MACF1: variants seen among roughly 807,000 people sequenced by gnomAD.
MACF1 encodes the protein microtubule-actin cross-linking factor 1.
MACF1 carries 193 observed loss-of-function variants against 854.8 expected under a neutral mutation model. The observed-to-expected ratio is 0.23, with a 90% confidence interval of 0.20 to 0.25. The LOEUF is 0.25. MACF1 is among the 10% of genes least tolerant of loss of function. The probability of loss-of-function intolerance (pLI) is 1.00; values close to 1 mark genes in which losing one functional copy is unlikely to be tolerated. For synonymous variants in MACF1, 3,185 were observed against 3,226.7 expected, an observed-to-expected ratio of 0.99 and a Z score of 0.44; for missense variants, 7,722 against 8,929.1, an observed-to-expected ratio of 0.86 and a Z score of 5.45.
In MACF1 at chr1:39,331,853, G is replaced by A. The variant is rs766902597; in HGVS notation, c.5265G>A (p.Gly1755=). Residue 1755 remains glycine, a synonymous_variant, in exon 37 of 101, where the codon GGG becomes GGA. Transcript: ENST00000564288. ...GCATTTTCCGTGCAGTTCAGGAAGG[G>A]CTAATAGATAGGCAGGTCACTGTCC... ...KVSIFRAVQE[G]LIDRQVTVRL... 11 of 1,614,038 alleles carry A rather than the reference G, an allele frequency of 6.8e-6. No individual in the cohort carries two copies. The highest frequency in any genetic ancestry group is 4.0e-5 in the African/African-American group (3 of 74,918).
At chr1:39,341,031 T>TTA in intron 40 of MACF1, 78 bp downstream of exon 40, 3 of 1,282,630 alleles carry the variant, frequency 2.3e-6, no homozygotes, top group Non-Finnish European at 3.2e-6. Flanking sequence ...ATATCCATAT[T>TTA]TATCTTTTTT....
At chr1:39,484,520 G>A (rs1645070334) in intron 99 of MACF1, 81 bp from the exon 100 acceptor site, 2 of 1,263,244 alleles carry the variant, frequency 1.6e-6, no homozygotes, top group Non-Finnish European at 1.1e-6. Flanking sequence ...ATATAAGGAG[G>A]TGTAAGGAGA....
At chr1:39,345,817 C>T (rs1647033260) in intron 40 of MACF1, among the ~76,000 whole-genome samples, 1 of 152,164 alleles carries the variant, frequency 6.6e-6, no homozygotes, top group African/African-American at 2.4e-5. Context: ...CCTGTAATCT[C>T]AGCACTTTGG....
chr1:39,453,773 A>C lies in MACF1; in HGVS notation c.20809A>C (p.Ile6937Leu). The C allele has an allele frequency of 2.5e-6, 4 of 1,614,140 alleles. No homozygotes were observed. The highest frequency in any genetic ancestry group is 3.4e-6 in the Non-Finnish European group (4 of 1,179,940). ...VNSAVAMGEV[I>L]LAVCHPDCIT... ...CTCAGCAGTAGCCATGGGAGAAGTCATCCTGGCTGTCTGCCACCCCGATTG... is the reference window on the plus strand; with the variant it reads ...CTCAGCAGTAGCCATGGGAGAAGTCCTCCTGGCTGTCTGCCACCCCGATTG... Residue 6937 changes from isoleucine (I) to leucine (L), a missense_variant, in exon 88 of 101, where the codon ATC (isoleucine) becomes CTC (leucine). By Grantham distance (5) the Ile-to-Leu change is conservative. This residue lies in a region of MACF1 where 729 missense variants were observed against 900.5 expected (regional missense o/e 0.81). Transcript: ENST00000564288.
intron 2 of MACF1, among the ~76,000 whole-genome samples, chr1:39,246,552 G>A (rs1004815670): frequency 3.3e-5 from 5 of 152,102 alleles, no homozygotes; most frequent in South Asian, 2.1e-4. Context: ...CCTGTTGCCC[G>A]GGCTGGAGTA....
At chr1:39,290,135 A>G (rs1208469592) in intron 15 of MACF1, among the ~76,000 whole-genome samples, 1 of 152,088 alleles carries the variant, frequency 6.6e-6, no homozygotes, top group Admixed American at 6.5e-5. Flanking sequence ...TGTCTTGGAA[A>G]GTATTTCTGG....
intron 2 of MACF1, among the ~76,000 whole-genome samples, chr1:39,242,211 G>A (rs932110189): frequency 2.0e-5 from 3 of 151,970 alleles, no homozygotes; most frequent in South Asian, 2.1e-4. Flanking sequence ...TTAGCTGGGC[G>A]TAGCAGCGCA....
Position 39,418,835 on chromosome 1 carries a change from C to T in MACF1, c.15817-3539C>T, listed in dbSNP as rs890781609. ...CTGAGATTATGTCACTGCACTCCAG[C>T]CTGGGCAACAGTGTGAGACCCTGTC... On this transcript the variant is annotated intron_variant, in intron 58 of 100. Transcript: ENST00000564288. Among the ~76,000 whole-genome samples, 4 of 152,030 alleles carry T rather than the reference C, an allele frequency of 2.6e-5. No individual in the cohort carries two copies. In the East Asian group the frequency reaches 7.7e-4, roughly 29 times the overall value.
intron 58 of MACF1, chr1:39,414,602 A>C: frequency 7.0e-7 from 1 of 1,420,220 alleles, no homozygotes; most frequent in South Asian, 1.4e-5. Context: ...CCGGGCTTAT[A>C]GTTTGTAGTC....
intron 43 of MACF1, among the ~76,000 whole-genome samples, chr1:39,351,431 A>G (rs2148501860): frequency 6.6e-6 from 1 of 152,288 alleles, no homozygotes; most frequent in East Asian, 1.9e-4. Context: ...AGTTTAAGTC[A>G]GGACAGTTGG....
At chr1:39,277,192 G>A (rs1425972778) in intron 6 of MACF1, among the ~76,000 whole-genome samples, 3 of 150,602 alleles carry the variant, frequency 2.0e-5, no homozygotes, top group Admixed American at 2.0e-4. Context: ...TATGTAACTG[G>A]ACTCTTGTGG....
chr1:39,175,111 G>T (rs1176971564), intron 2 of MACF1, among the ~76,000 whole-genome samples: 2 of 152,154 alleles, frequency 1.3e-5, no homozygotes, highest in Non-Finnish European at 2.9e-5. Context: ...TTTCTTGGCT[G>T]CCTTCTCCCT....
intron 66 of MACF1, 46 bp downstream of exon 66, chr1:39,430,954 T>C: frequency 6.6e-7 from 1 of 1,519,604 alleles, no homozygotes; most frequent in South Asian, 1.1e-5. Context: ...ACAGTATTGA[T>C]GTGTGAGATA....
intron 2 of MACF1, among the ~76,000 whole-genome samples, chr1:39,117,505 A>T (rs970090707): frequency 1.3e-5 from 2 of 150,956 alleles, no homozygotes; most frequent in Non-Finnish European, 2.9e-5. Flanking sequence ...TGGCTTGTCC[A>T]GTGCAATTTG....
At chr1:39,412,982 G>A (rs750199737) in intron 58 of MACF1, 17 of 1,587,088 alleles carry the variant, frequency 1.1e-5, no homozygotes, top group Admixed American at 1.8e-5. Context: ...GCCCCAGAGA[G>A]GGCTACTGTC....
intron 2 of MACF1, among the ~76,000 whole-genome samples, chr1:39,097,647 G>A (rs1402002022): frequency 3.3e-5 from 5 of 152,130 alleles, no homozygotes; most frequent in African/African-American, 1.2e-4. Context: ...ACTTGAGCCT[G>A]GGAGGTTGAG....
rs375922773 is a variant in MACF1 at position 39,287,320 on chromosome 1, C to A, written c.1543C>A (p.Arg515Ser). The A allele has an allele frequency of 6.2e-7, 1 of 1,614,164 alleles. No individual in the cohort carries two copies. The highest frequency in any genetic ancestry group is 8.5e-7 in the Non-Finnish European group (1 of 1,180,024). The change falls in exon 15 of 101, where the codon CGT becomes AGT. Residue 515 changes from arginine (R) to serine (S), a missense_variant. By Grantham distance (110) the Arg-to-Ser change is moderately radical (BLOSUM62 -1). Coordinates refer to ENST00000564288, the MANE Select transcript of MACF1 (RefSeq NM_001394062.1). ...MRLQDELVTL[R>S]LECTNLYRKG... ...TCTTCAGGATGAGCTGGTCACCTTG[C>A]GTCTAGAGTGTACAAACCTGTACCG...
In MACF1 at chr1:39,388,401, C is replaced by A. The variant is rs1376853135; in HGVS notation, c.15559C>A (p.Leu5187Ile). 1 of 1,614,052 alleles carries A rather than the reference C, an allele frequency of 6.2e-7. No individual in the cohort carries two copies. Among genetic ancestry groups the A allele is most frequent in the Non-Finnish European group, 8.5e-7 (1 of 1,179,998 alleles). ...CTCTGAAGCAGAGTGTCGACATATG[C>A]TAGAAGAAGAGGGGACTCTGGATTT... ...EASEAECRHM[L>I]EEEGTLDLLG... is the part of the protein sequence containing the mutation. The change falls in exon 58 of 101, where the codon CTA (leucine) becomes ATA (isoleucine). Residue 5187 changes from leucine to isoleucine, a missense_variant. Coordinates refer to ENST00000564288, the MANE Select transcript of MACF1 (RefSeq NM_001394062.1).
At chr1:39,379,084 GA>G (rs1269296558) in intron 53 of MACF1, 118 bp from the exon 54 acceptor site, 2 of 1,047,894 alleles carry the variant, frequency 1.9e-6, no homozygotes, top group African/African-American at 1.6e-5. Context: ...GATTTAGCAG[GA>G]AGATAATCTC....
Sources: gnomAD v4.1 joint callset for allele counts (sites outside exome capture counted in the v4.1 genomes callset) on GRCh38, gnomAD v4.1.1 for gene constraint, gnomAD v4.1.1 regional missense constraint, MANE v1.5 for transcripts, NCBI Gene and HGNC (gene_info 2026-07-23, HGNC 2026-07-21) for gene names.